Variants in REDIC1 observed in about 807,000 individuals in gnomAD.
REDIC1 encodes regulator of DNA class I crossover intermediates 1, also known as HEI10 Interacting Protein 1.
the REDIC1 span, among the ~76,000 whole-genome samples, chr12:39,632,745 C>G: frequency 6.6e-6 from 1 of 152,170 alleles, no homozygotes; most frequent in African/African-American, 2.4e-5. Flanking sequence ...AGCTACAAAC[C>G]TATACAGCAT....
chr12:39,721,245 C>A, the REDIC1 span: 2 of 1,609,988 alleles, frequency 1.2e-6, no homozygotes, highest in Non-Finnish European at 8.5e-7. Flanking sequence ...TCCATAAGAA[C>A]AACTAATATT....
the REDIC1 span, among the ~76,000 whole-genome samples, chr12:39,749,837 T>A: frequency 1.3e-5 from 2 of 152,320 alleles, no homozygotes; most frequent in East Asian, 3.9e-4. Flanking sequence ...TCTCAATAGA[T>A]GCAGAAAAGG....
chr12:39,783,708 G>C, the REDIC1 span, among the ~76,000 whole-genome samples: 1 of 151,974 alleles, frequency 6.6e-6, no homozygotes, highest in African/African-American at 2.4e-5. Context: ...CCCACTTTTT[G>C]GGGGTTGTTT....
chr12:39,841,413 A>C, the REDIC1 span, among the ~76,000 whole-genome samples: 7 of 152,116 alleles, frequency 4.6e-5, no homozygotes, highest in African/African-American at 1.7e-4. Flanking sequence ...AAGGAAGAAA[A>C]AGAGAGCTGT....
At chr12:39,656,394 C>T in the REDIC1 span, among the ~76,000 whole-genome samples, 1 of 152,102 alleles carries the variant, frequency 6.6e-6, no homozygotes, top group African/African-American at 2.4e-5. Flanking sequence ...TATAGTAGCA[C>T]AGCTCATTCC....
the REDIC1 span, among the ~76,000 whole-genome samples, chr12:39,808,157 G>A: frequency 1.1e-4 from 17 of 152,068 alleles, no homozygotes; most frequent in Non-Finnish European, 2.1e-4. Context: ...CTGGTCAATA[G>A]AGATTGGGTT....
At chr12:39,906,874 G>A in the REDIC1 span, among the ~76,000 whole-genome samples, 2 of 151,998 alleles carry the variant, frequency 1.3e-5, no homozygotes, top group Non-Finnish European at 2.9e-5. Flanking sequence ...ACAATTATGA[G>A]GGAAGATAAA....
the REDIC1 span, among the ~76,000 whole-genome samples, chr12:39,849,448 G>T: frequency 1.3e-5 from 2 of 152,156 alleles, no homozygotes; most frequent in Admixed American, 6.5e-5. Flanking sequence ...CAGAAGCTCA[G>T]TAATGTCAAG....
At chr12:39,883,239 A>C in the REDIC1 span, among the ~76,000 whole-genome samples, 1 of 152,188 alleles carries the variant, frequency 6.6e-6, no homozygotes, top group Non-Finnish European at 1.5e-5. Flanking sequence ...TCCCTGGAGT[A>C]GGATGTAAAG....
At chr12:39,823,844 TTAAATTGTTTTTTA>T in the REDIC1 span, among the ~76,000 whole-genome samples, 1 of 152,368 alleles carries the variant, frequency 6.6e-6, no homozygotes, top group South Asian at 2.1e-4. Flanking sequence ...AGTATTATTT[TTAAATTGTTTTTTA>T]GTGTTTTTAT....
At chr12:39,647,025 T>G in the REDIC1 span, 1 of 553,780 alleles carries the variant, frequency 1.8e-6, no homozygotes. Flanking sequence ...GCTTTCCAGG[T>G]GAGAAATCTA....
chr12:39,769,055 T>G, the REDIC1 span, among the ~76,000 whole-genome samples: 1 of 152,112 alleles, frequency 6.6e-6, no homozygotes, highest in Non-Finnish European at 1.5e-5. Context: ...AACAACCACT[T>G]CTCAGAAACT....
the REDIC1 span, among the ~76,000 whole-genome samples, chr12:39,765,130 G>A: frequency 6.6e-6 from 1 of 152,042 alleles, no homozygotes; most frequent in Non-Finnish European, 1.5e-5. Context: ...GTCCCTGGAA[G>A]CTGCAGTAAC....
chr12:39,801,861 G>A, the REDIC1 span, among the ~76,000 whole-genome samples: 1 of 152,126 alleles, frequency 6.6e-6, no homozygotes, highest in Non-Finnish European at 1.5e-5. Context: ...AGACTAATTA[G>A]GAAAGCAGAC....
At chr12:39,653,093 T>A in the REDIC1 span, among the ~76,000 whole-genome samples, 1 of 152,142 alleles carries the variant, frequency 6.6e-6, no homozygotes, top group Non-Finnish European at 1.5e-5. Flanking sequence ...ATTTGGATTT[T>A]AAGAGATTAT....
At chr12:39,638,088 AAAAC>A in the REDIC1 span, among the ~76,000 whole-genome samples, 65 of 152,128 alleles carry the variant, frequency 4.3e-4, no homozygotes, top group East Asian at 4.8e-3. Flanking sequence ...AGAAGCCGAA[AAAAC>A]AAACAAACAA....
the REDIC1 span, among the ~76,000 whole-genome samples, chr12:39,842,701 G>A: frequency 2.0e-5 from 3 of 151,958 alleles, no homozygotes; most frequent in Admixed American, 6.6e-5. Flanking sequence ...ATAATTCAGA[G>A]TTCTACAAGC....
the REDIC1 span, chr12:39,872,056 A>G: frequency 1.8e-4 from 199 of 1,095,514 alleles, no homozygotes; most frequent in Non-Finnish European, 2.4e-4. Context: ...TGAAAAAAAT[A>G]TAAGGAGAAC....
the REDIC1 span, among the ~76,000 whole-genome samples, chr12:39,654,296 G>T: frequency 6.6e-6 from 1 of 151,992 alleles, no homozygotes; most frequent in Non-Finnish European, 1.5e-5. Flanking sequence ...GATGAAAACT[G>T]CTTGGTGTAG....
Sources: gnomAD v4.1 joint callset for allele counts (sites outside exome capture counted in the v4.1 genomes callset) on GRCh38, gnomAD v4.1.1 for gene constraint, MANE v1.5 for transcripts, NCBI Gene and HGNC (gene_info 2026-07-23, HGNC 2026-07-21) for gene names.